Variants in RFLNA observed in about 807,000 individuals in gnomAD.
The protein encoded by RFLNA is refilin A.
A neutral mutation model predicts 7.8 loss-of-function variants in RFLNA; 5 were observed. That is an observed-to-expected ratio of 0.64 (90% CI 0.34 to 1.35). The LOEUF is 1.35. RFLNA is among the 40% of genes most tolerant of loss of function. The pLI, the probability that RFLNA is intolerant of heterozygous loss-of-function variation, is 0.04. For missense variants in RFLNA, 278 were observed against 305.5 expected, an observed-to-expected ratio of 0.91 and a Z score of 0.67; for synonymous variants, 141 against 131.3, an observed-to-expected ratio of 1.07 and a Z score of -0.50.
rs1342149689 is a variant in RFLNA, at chr12:124,314,501, C to G, written c.627C>G (p.Ser209Arg). ...AGCTTTGCCAGGACCCTGCCCCCAG[C>G]CTCCTGGGCCCTGCCACGCTCTGAC... Reference protein sequence around the residue: ...QLQLCQDPAPSLLGPATL With the variant: ...QLQLCQDPAPRLLGPATL The change falls in exon 3 of 3, where the codon AGC becomes AGG. Residue 209 changes from serine (S) to arginine (R), a missense_variant. Physicochemically the swap from Ser to Arg is moderately radical, Grantham distance 110. Coordinates refer to ENST00000546355, the MANE Select transcript of RFLNA (RefSeq NM_001365156.1). The G allele has an allele frequency of 6.3e-7, 1 of 1,589,404 alleles. No homozygotes were observed. Among genetic ancestry groups the G allele is most frequent in the Non-Finnish European group, 8.5e-7 (1 of 1,174,958 alleles).
intron 1 of RFLNA, among the ~76,000 whole-genome samples, chr12:124,296,571 G>T (rs1053687314): frequency 6.6e-6 from 1 of 152,128 alleles, no homozygotes; most frequent in Non-Finnish European, 1.5e-5. Flanking sequence ...CTTTCCTGGG[G>T]CCCCGGGGAT....
Position 124,295,404 on chromosome 12 carries a change from G to A in RFLNA, c.-26G>A. On this transcript the variant is annotated 5_prime_UTR_variant, in exon 1 of 3. Transcript: ENST00000546355. ...GTGGAGAAGCCCCCGGAGGAGCGGG[G>A]GGCCCGCGCCCCGCGCCCCCCAGAC... The A allele has an allele frequency of 8.3e-7, 1 of 1,199,728 alleles. No individual in the cohort carries two copies. The highest frequency in any genetic ancestry group is 4.4e-5 in the Admixed American group (1 of 22,838). 74.3% of individuals were successfully genotyped at this position (1,199,728 alleles called of 1,614,324 possible). A position where few individuals can be genotyped will look rare whatever the true frequency, so the allele number is the denominator to read the frequency against.
Position 124,306,471 on chromosome 12 carries a change from G to T in RFLNA, c.208-5347G>T, listed in dbSNP as rs774995582. 2.4e-4 allele frequency among the ~76,000 whole-genome samples: 36 copies of T among 152,124 alleles called. No individual in the cohort carries two copies. The highest frequency in any genetic ancestry group is 4.6e-4 in the Non-Finnish European group (31 of 68,010). ...TGGGAATCCTTGAGCCTGTGTCGGG[G>T]GAGCCTGGAGCTGAGGGGGCAGCGA... On this transcript the variant is annotated intron_variant, in intron 1 of 2. Coordinates refer to ENST00000546355, the MANE Select transcript of RFLNA (RefSeq NM_001365156.1). The surrounding 1 kb of genome is among the most constrained non-coding windows in gnomAD (Gnocchi z 5.2).
chr12:124,303,989 G>A (rs775994131), intron 1 of RFLNA, among the ~76,000 whole-genome samples: 5 of 152,190 alleles, frequency 3.3e-5, no homozygotes, highest in East Asian at 1.9e-4. Context: ...GCCAGCCCCC[G>A]TGGGACTGTG....
chr12:124,298,954 T>G, intron 1 of RFLNA, among the ~76,000 whole-genome samples: 1 of 152,218 alleles, frequency 6.6e-6, no homozygotes, highest in Non-Finnish European at 1.5e-5. Context: ...AACTTATGCA[T>G]GTAACCAAAT....
upstream of RFLNA, among the ~76,000 whole-genome samples, chr12:124,290,784 T>C (rs527599134): frequency 2.0e-5 from 3 of 152,222 alleles, no homozygotes. This position sits in a 1 kb window ranked among gnomAD's most constrained non-coding sequence, Gnocchi z 4.0. Flanking sequence ...ACCCCTAATA[T>C]GCTTATATTT....
rs546042474 is a variant in RFLNA at position 124,302,726 on chromosome 12, C to T, written c.207+7090C>T. On this transcript the variant is annotated intron_variant, in intron 1 of 2. Transcript: ENST00000546355. ...TCAGATTCCCAGTGTATATCCCAGA[C>T]GATCAAGTTCTGACAGCAGCAGGGG... Among the ~76,000 whole-genome samples the T allele has an allele frequency of 1.2e-4, 18 of 151,742 alleles. No homozygotes were observed. In the South Asian group the frequency reaches 3.3e-3, roughly 28 times the overall value.
At chr12:124,293,533 C>T (rs1408016623), upstream of RFLNA, among the ~76,000 whole-genome samples, 1 of 152,074 alleles carries the variant, frequency 6.6e-6, no homozygotes, top group African/African-American at 2.4e-5. Flanking sequence ...GTCAAGTGGC[C>T]CAAGGGCTGA....
intron 1 of RFLNA, among the ~76,000 whole-genome samples, chr12:124,304,247 C>G (rs193027095): frequency 1.3e-5 from 2 of 152,202 alleles, no homozygotes; most frequent in Middle Eastern, 6.3e-3. Flanking sequence ...TGCAGCTCCG[C>G]GGGAGTGTCC....
chr12:124,311,469 G>C (rs538133163), intron 1 of RFLNA, among the ~76,000 whole-genome samples: 1 of 152,354 alleles, frequency 6.6e-6, no homozygotes, highest in East Asian at 1.9e-4. Context: ...CCTGCAAAGA[G>C]CACAGAGGGA....
In RFLNA at chr12:124,315,726, G is replaced by A. The variant is rs777012002; in HGVS notation, c.*1201G>A. The stretch of plus-strand genomic sequence containing the variant: ...AGCCAGCACTGTGGCAGGGTGCTGG[G>A]GAGATGCCCCTCTGAGCCTTCCTCC... On this transcript the variant is annotated 3_prime_UTR_variant, in exon 3 of 3. Transcript: ENST00000546355. 1 of 152,254 alleles carries A rather than the reference G, an allele frequency of 6.6e-6. No homozygotes were observed. Among genetic ancestry groups the A allele is most frequent in the Non-Finnish European group, 1.5e-5 (1 of 68,116 alleles). The allele number at this position is 152,254 out of a possible 1,614,324, so 9.4% of individuals were successfully genotyped here. A position where few individuals can be genotyped will look rare whatever the true frequency, so the allele number is the denominator to read the frequency against.
upstream of RFLNA, among the ~76,000 whole-genome samples, chr12:124,293,032 T>C (rs955969782): frequency 3.9e-5 from 6 of 152,200 alleles, no homozygotes; most frequent in Admixed American, 3.9e-4. Context: ...CAAGCAATTC[T>C]CCTGCCTCAG....
chr12:124,303,100 C>T lies in RFLNA; in HGVS notation c.207+7464C>T, dbSNP rs190739950. Among the ~76,000 whole-genome samples the T allele has an allele frequency of 3.0e-3, 462 of 152,292 alleles. 1 individual carries two copies. Among genetic ancestry groups the T allele is most frequent in the African/African-American group, 0.011 (444 of 41,574 alleles). On this transcript the variant is annotated intron_variant, in intron 1 of 2. Transcript: ENST00000546355. ...ACTGCGCCATAGTATCTGTGGATGG[C>T]GCTGTGTCGCCCAGGCTGTGCCTCC...
In RFLNA at chr12:124,314,397, G is replaced by T; in HGVS notation, c.523G>T (p.Ala175Ser). ...CACCACCATCATCTTCCCCAAGCAT[G>T]CCAGGAGCACTTTCCGGACCACCCT... ...RSTTIIFPKH[A>S]RSTFRTTLHC... Residue 175 changes from alanine (A) to serine (S), a missense_variant, in exon 3 of 3, where the codon GCC becomes TCC. Coordinates refer to ENST00000546355, the MANE Select transcript of RFLNA (RefSeq NM_001365156.1). 1 of 1,610,370 alleles carries T rather than the reference G, an allele frequency of 6.2e-7. No homozygotes were observed.
chr12:124,308,003 A>C (rs2034167424), intron 1 of RFLNA, among the ~76,000 whole-genome samples: 1 of 143,120 alleles, frequency 7.0e-6, no homozygotes, highest in Non-Finnish European at 1.5e-5. Context: ...TTTTTTTGAG[A>C]CAGAGTCCCG....
At chr12:124,300,916 G>GTGTA (rs2034024499) in intron 1 of RFLNA, among the ~76,000 whole-genome samples, 1 of 145,014 alleles carries the variant, frequency 6.9e-6, no homozygotes, top group Non-Finnish European at 1.5e-5. Flanking sequence ...GGGCAGAAGG[G>GTGTA]TGGATGGATG....
chr12:124,311,763 T>A, intron 1 of RFLNA, 55 bp from the exon 2 acceptor site: 4 of 1,449,568 alleles, frequency 2.8e-6, no homozygotes, highest in Non-Finnish European at 3.7e-6. Context: ...AGCAGGGAGC[T>A]GAGGCCACTG....
chr12:124,290,338 A>ATG (rs1216538519), upstream of RFLNA, among the ~76,000 whole-genome samples: 1 of 151,726 alleles, frequency 6.6e-6, no homozygotes, highest in East Asian at 2.0e-4. The surrounding 1 kb of genome is among the most constrained non-coding windows in gnomAD (Gnocchi z 4.0). Flanking sequence ...GCATTTGCAT[A>ATG]TGTGTGTGCA....
At position 124,314,922 on chromosome 12, in the gene RFLNA, A is replaced by C; in HGVS notation, c.*397A>C. On this transcript the variant is annotated 3_prime_UTR_variant, in exon 3 of 3. Coordinates refer to ENST00000546355, the MANE Select transcript of RFLNA (RefSeq NM_001365156.1). The stretch of plus-strand genomic sequence containing the variant: ...GCCTCAGCCGGTGGGGACGGCTGCC[A>C]CTCCCCCAGAGCCCTGCCACCCCAT... 3 of 367,388 alleles carry C rather than the reference A, an allele frequency of 8.2e-6. No homozygotes were observed. Among genetic ancestry groups the C allele is most frequent in the Non-Finnish European group, 1.6e-5 (3 of 186,942 alleles). The allele number at this position is 367,388 out of a possible 1,614,324, so 22.8% of individuals were successfully genotyped here.
Sources: allele counts gnomAD v4.1 joint callset (sites outside exome capture counted in the v4.1 genomes callset), GRCh38; gene constraint gnomAD v4.1.1; non-coding constraint Gnocchi (gnomAD v3.1); transcripts MANE v1.5; gene names NCBI Gene and HGNC (gene_info 2026-07-23, HGNC 2026-07-21).